PTGR1: variants seen among roughly 807,000 people sequenced by gnomAD.
PTGR1 encodes the protein 15-oxoprostaglandin 13-reductase.
A neutral mutation model predicts 37.7 loss-of-function variants in PTGR1; 23 were observed. The ratio of observed to expected loss-of-function variants is 0.61; its 90% confidence interval spans 0.44 to 0.86. The LOEUF is 0.86. Among genes scored for constraint, PTGR1 ranks in the 40% least tolerant of loss-of-function variants. The pLI is 0.00. For synonymous variants in PTGR1, 134 were observed against 140.0 expected, an observed-to-expected ratio of 0.96 and a Z score of 0.30; for missense variants, 351 against 394.3, an observed-to-expected ratio of 0.89 and a Z score of 0.93.
intron 7 of PTGR1, among the ~76,000 whole-genome samples, chr9:111,578,202 G>A (rs184110850): frequency 1.3e-5 from 2 of 152,090 alleles, no homozygotes; most frequent in Admixed American, 6.5e-5. Flanking sequence ...TTGTATCAGC[G>A]GTCCTCAACC....
Position 111,586,782 on chromosome 9 carries a change from A to ACT in PTGR1, c.210-619_210-618dup, listed in dbSNP as rs35858814. Reference sequence around the variant, plus strand: ...AATCATTGTCTGATTTTACTTTTCCACTCTCTCTCTCTCTCTCTCTCTATA... The same window carrying ACT: ...AATCATTGTCTGATTTTACTTTTCCACTCTCTCTCTCTCTCTCTCTCTCTATA... On this transcript the variant is annotated intron_variant, in intron 4 of 9. Transcript: ENST00000407693. Among the ~76,000 whole-genome samples the ACT allele has an allele frequency of 9.6e-3, 1,303 of 136,072 alleles. 15 individuals are homozygous for ACT. The highest frequency in any genetic ancestry group is 0.028 in the African/African-American group (1,005 of 36,190). 89.3% of individuals were successfully genotyped at this position (136,072 alleles called of 152,430 possible).
At chr9:111,561,142 A>AG (rs1564608061), downstream of PTGR1, among the ~76,000 whole-genome samples, 23 of 45,988 alleles carry the variant, frequency 5.0e-4, 4 homozygotes, top group African/African-American at 1.7e-3. Context: ...GAGAGAGGAG[A>AG]GAGAGGGAGA....
chr9:111,576,472 C>T, intron 7 of PTGR1: 2 of 1,609,644 alleles, frequency 1.2e-6, no homozygotes. Flanking sequence ...AGGATGGGGC[C>T]ACTGCAGTGC....
chr9:111,590,364 CA>C (rs1829574114), intron 4 of PTGR1, among the ~76,000 whole-genome samples: 2 of 151,914 alleles, frequency 1.3e-5, no homozygotes, highest in African/African-American at 4.8e-5. Flanking sequence ...AACATTCATA[CA>C]TTTTTTTTTT....
At chr9:111,562,170 G>A (rs1054143576), downstream of PTGR1, among the ~76,000 whole-genome samples, 1 of 152,124 alleles carries the variant, frequency 6.6e-6, no homozygotes, top group Non-Finnish European at 1.5e-5. Flanking sequence ...ACCGCGCCCG[G>A]CCTATGCTGG....
In PTGR1 at chr9:111,567,030, G is replaced by A. The variant is rs189604535; in HGVS notation, c.879+3061C>T. Among the ~76,000 whole-genome samples the A allele has an allele frequency of 6.6e-5, 10 of 151,536 alleles. No individual in the cohort carries two copies. The East Asian group carries it at 1.9e-3, about 30-fold the overall frequency. On this transcript the variant is annotated intron_variant, in intron 9 of 9. Coordinates refer to ENST00000407693, the MANE Select transcript of PTGR1 (RefSeq NM_001146108.2). ...CCTGAGCCTGGGTCAAGGCTGTGGT[G>A]AGCCATGATCACGGCACTGCACTCC...
Position 111,562,747 on chromosome 9 carries a change from C to A in PTGR1, c.*374G>T. Reference sequence around the variant, plus strand: ...AGCTATTTATCCTGATGCTCTCCCTCCCTCACCCCGGCTTCCACAGGCCCC... The same window carrying A: ...AGCTATTTATCCTGATGCTCTCCCTACCTCACCCCGGCTTCCACAGGCCCC... On this transcript the variant is annotated 3_prime_UTR_variant, in exon 10 of 10. Transcript: ENST00000407693. 1 of 191,284 alleles carries A rather than the reference C, an allele frequency of 5.2e-6. No individual in the cohort carries two copies. 11.8% of individuals were successfully genotyped at this position (191,284 alleles called of 1,614,324 possible).
In PTGR1 at chr9:111,554,058, T is replaced by C. The variant is rs147881673; in HGVS notation, c.880-4259A>G. 6.9e-3 allele frequency among the ~76,000 whole-genome samples: 1,049 copies of C among 152,304 alleles called. 14 individuals are homozygous for C. The highest frequency in any genetic ancestry group is 0.014 in the Middle Eastern group (4 of 294). On this transcript the variant is annotated intron_variant, in intron 9 of 9. Transcript: ENST00000538962. ...CAGCTGAGAACCACAGGTTTCAAAC[T>C]CGGTGCCAAGGTTTCCCATTCCACT...
chr9:111,554,392 C>T (rs895596758), intron 9 of PTGR1, among the ~76,000 whole-genome samples: 3 of 152,200 alleles, frequency 2.0e-5, no homozygotes, highest in African/African-American at 7.2e-5. Context: ...CAGCTTTCCC[C>T]TCATTGTGGT....
At chr9:111,560,974 TAGAGAG>T (rs1172194603), downstream of PTGR1, among the ~76,000 whole-genome samples, 100 of 9,330 alleles carry the variant, frequency 0.011, 10 homozygotes, top group South Asian at 0.03. Flanking sequence ...TATATATATA[TAGAGAG>T]AGAGAGAGAG....
intron 3 of PTGR1, 121 bp from the exon 4 acceptor site, chr9:111,593,103 A>C: frequency 7.0e-7 from 1 of 1,423,202 alleles, no homozygotes; most frequent in Non-Finnish European, 9.3e-7. Flanking sequence ...AAACTGCTGG[A>C]TAAGTGTATG....
chr9:111,570,764 A>T (rs1321906656), intron 8 of PTGR1, among the ~76,000 whole-genome samples: 1 of 152,020 alleles, frequency 6.6e-6, no homozygotes, highest in Non-Finnish European at 1.5e-5. Context: ...GGGTGACAGA[A>T]TGAGACTCTG....
At chr9:111,585,107 A>G (rs766754974) in intron 5 of PTGR1, among the ~76,000 whole-genome samples, 1 of 152,158 alleles carries the variant, frequency 6.6e-6, no homozygotes, top group Non-Finnish European at 1.5e-5. Flanking sequence ...GCCTCTGACT[A>G]TATTTGGGGC....
At chr9:111,559,191 C>A (rs1381930091), downstream of PTGR1, among the ~76,000 whole-genome samples, 2 of 152,162 alleles carry the variant, frequency 1.3e-5, no homozygotes, top group Non-Finnish European at 2.9e-5. Flanking sequence ...GTCACTCACT[C>A]GCACGTGATA....
At chr9:111,599,239 A>G (rs1243280690) in intron 1 of PTGR1, 2 of 151,266 alleles carry the variant, frequency 1.3e-5, no homozygotes, top group East Asian at 3.9e-4. Flanking sequence ...CCGCTTGCCC[A>G]TTCCCGAATC....
At chr9:111,560,695 G>C (rs1828256191), downstream of PTGR1, among the ~76,000 whole-genome samples, 1 of 143,428 alleles carries the variant, frequency 7.0e-6, no homozygotes, top group African/African-American at 2.6e-5. Context: ...TGTAATCCCA[G>C]CACTTTGGGA....
At chr9:111,579,730 T>C (rs1020572863) in intron 6 of PTGR1, among the ~76,000 whole-genome samples, 10 of 152,100 alleles carry the variant, frequency 6.6e-5, no homozygotes, top group Admixed American at 6.5e-4. Context: ...AGTGCTCGGA[T>C]TACAGGCATG....
intron 3 of PTGR1, 132 bp from the exon 4 acceptor site, chr9:111,593,114 C>A (rs545677383): frequency 1.5e-6 from 2 of 1,375,996 alleles, no homozygotes; most frequent in South Asian, 3.2e-5. Flanking sequence ...TAAGTGTATG[C>A]GGCAATAAAA....
At chr9:111,573,586 G>A (rs1310324536) in intron 8 of PTGR1, among the ~76,000 whole-genome samples, 1 of 152,042 alleles carries the variant, frequency 6.6e-6, no homozygotes, top group African/African-American at 2.4e-5. Context: ...CTTTTTTGGG[G>A]GGGGACCATA....
Sources: gnomAD v4.1 joint callset for allele counts (sites outside exome capture counted in the v4.1 genomes callset) on GRCh38, gnomAD v4.1.1 for gene constraint, MANE v1.5 for transcripts, NCBI Gene and HGNC (gene_info 2026-07-23, HGNC 2026-07-21) for gene names.